The following COL4A4 variants were observed in gnomAD, a reference collection of about 807,000 sequenced individuals.
COL4A4 encodes the protein collagen type IV alpha 4 chain.
In COL4A4, 105 loss-of-function variants were observed where a neutral mutation model predicts 192.9. The ratio of observed to expected loss-of-function variants is 0.54; its 90% confidence interval spans 0.46 to 0.64. The LOEUF (loss-of-function observed/expected upper bound fraction) is 0.64. Ranked by LOEUF, COL4A4 falls within the 30% of genes least tolerant of loss-of-function variation. The pLI, the probability that COL4A4 is intolerant of heterozygous loss-of-function variation, is 0.00. For missense variants in COL4A4, 1,967 were observed against 2,169.3 expected, an observed-to-expected ratio of 0.91 and a Z score of 1.85; for synonymous variants, 762 against 769.9, an observed-to-expected ratio of 0.99 and a Z score of 0.17.
In COL4A4 at chr2:227,084,941, G is replaced by A. The variant is rs551082176; in HGVS notation, c.1624-2754C>T. 3.3e-5 allele frequency among the ~76,000 whole-genome samples: 5 copies of A among 152,142 alleles called. No individual in the cohort carries two copies. In the South Asian group the frequency reaches 6.2e-4, roughly 19 times the overall value. ...GAGGTCAGGAGTTCAAGACCAGCCT[G>A]ACCAAAAAGGTGAAACCCTGTCTCT... On this transcript the variant is annotated intron_variant, in intron 22 of 47. Coordinates refer to ENST00000396625, the MANE Select transcript of COL4A4 (RefSeq NM_000092.5).
chr2:227,062,466 C>A, intron 26 of COL4A4, 64 bp downstream of exon 26: 1 of 1,017,356 alleles, frequency 9.8e-7, no homozygotes, highest in South Asian at 1.3e-5. Context: ...GTTTATCTGT[C>A]TGGCTGGTTT....
At chr2:226,983,678 G>T in the COL4A4 span, among the ~76,000 whole-genome samples, 4 of 151,150 alleles carry the variant, frequency 2.6e-5, no homozygotes, top group Non-Finnish European at 5.9e-5. Context: ...TTTTTTTCAC[G>T]TGCAAAGGTT....
intron 36 of COL4A4, 64 bp downstream of exon 36, chr2:227,043,013 G>T: frequency 8.4e-7 from 1 of 1,184,912 alleles, no homozygotes; most frequent in Non-Finnish European, 1.3e-6. Context: ...AAAGACTGGT[G>T]GTTTCTGAAA....
intron 3 of COL4A4, among the ~76,000 whole-genome samples, chr2:227,141,918 T>C (rs1313513262): frequency 3.3e-5 from 5 of 152,092 alleles, no homozygotes; most frequent in Non-Finnish European, 7.4e-5. Context: ...TTACTATGTG[T>C]TCGCTGAAAT....
intron 44 of COL4A4, among the ~76,000 whole-genome samples, chr2:227,012,899 T>C (rs559231292): frequency 6.6e-6 from 1 of 152,302 alleles, no homozygotes; most frequent in South Asian, 2.1e-4. Context: ...TAGGTACTCA[T>C]ACATGCCAGT....
the COL4A4 span, chr2:226,996,554 CAG>C: frequency 6.6e-6 from 1 of 152,172 alleles, no homozygotes; most frequent in African/African-American, 2.4e-5. Context: ...TTACTGTCAA[CAG>C]AGATATTTTA....
chr2:227,121,755 A>AGTAT (rs2061809455), intron 4 of COL4A4, among the ~76,000 whole-genome samples: 1 of 152,146 alleles, frequency 6.6e-6, no homozygotes. Flanking sequence ...GTATGTGTGC[A>AGTAT]GTATGTATGT....
chr2:227,085,238 G>A (rs1359612200), intron 22 of COL4A4, among the ~76,000 whole-genome samples: 1 of 152,164 alleles, frequency 6.6e-6, no homozygotes, highest in East Asian at 1.9e-4. Flanking sequence ...TGCCTACAGG[G>A]GTGGCGCCTG....
chr2:227,137,635 T>C (rs1004907414), intron 4 of COL4A4, among the ~76,000 whole-genome samples: 1 of 152,180 alleles, frequency 6.6e-6, no homozygotes. Flanking sequence ...GCACTTCTGG[T>C]CTCTACTTGC....
chr2:226,996,677 A>G, the COL4A4 span: 1 of 152,264 alleles, frequency 6.6e-6, no homozygotes, highest in African/African-American at 2.4e-5. Context: ...ACATCTGGAA[A>G]GAAATATACC....
intron 19 of COL4A4, among the ~76,000 whole-genome samples, chr2:227,097,780 A>G (rs1252156964): frequency 6.6e-6 from 1 of 152,220 alleles, no homozygotes; most frequent in Non-Finnish European, 1.5e-5. Flanking sequence ...CTGCAAACTG[A>G]AAGCTAGATT....
intron 22 of COL4A4, among the ~76,000 whole-genome samples, chr2:227,084,108 T>C (rs1159595656): frequency 6.6e-6 from 1 of 152,214 alleles, no homozygotes; most frequent in Non-Finnish European, 1.5e-5. Flanking sequence ...TAAATCAATA[T>C]ATTAGAAAGA....
At chr2:227,120,718 A>C (rs2061728183) in intron 5 of COL4A4, 2 of 322,254 alleles carry the variant, frequency 6.2e-6, no homozygotes, top group South Asian at 6.4e-5. Context: ...CAGGCAGATC[A>C]CTTGAGGTCA....
intron 5 of COL4A4, among the ~76,000 whole-genome samples, chr2:227,120,411 C>T (rs2061711468): frequency 6.6e-6 from 1 of 152,096 alleles, no homozygotes; most frequent in South Asian, 2.1e-4. Context: ...GTCTCTAAGA[C>T]ATATTGTTGA....
downstream of COL4A4, chr2:226,998,891 A>T (rs941589381): frequency 6.6e-6 from 1 of 152,210 alleles, no homozygotes; most frequent in Non-Finnish European, 1.5e-5. Flanking sequence ...CTCACTGCTC[A>T]GGCTGTGAGT....
At chr2:227,075,119 T>C (rs560861476) in intron 25 of COL4A4, among the ~76,000 whole-genome samples, 1 of 152,038 alleles carries the variant, frequency 6.6e-6, no homozygotes, top group African/African-American at 2.4e-5. Context: ...TTCCAAACAA[T>C]AGAAAAATAA....
chr2:227,049,265 A>T (rs924150001), intron 34 of COL4A4, among the ~76,000 whole-genome samples: 13 of 152,246 alleles, frequency 8.5e-5, no homozygotes, highest in Admixed American at 8.5e-4. Flanking sequence ...AGGGTTAATG[A>T]AGCCTCTCTT....
At chr2:227,036,301 G>A (rs1204418945) in intron 37 of COL4A4, among the ~76,000 whole-genome samples, 1 of 152,086 alleles carries the variant, frequency 6.6e-6, no homozygotes, top group Non-Finnish European at 1.5e-5. Flanking sequence ...CCACTCTCAG[G>A]CTGTATTTTG....
intron 37 of COL4A4, among the ~76,000 whole-genome samples, chr2:227,034,264 A>G (rs1359915696): frequency 1.3e-5 from 2 of 152,176 alleles, no homozygotes; most frequent in Non-Finnish European, 2.9e-5. Context: ...AAGGTTTTTT[A>G]TCAACGTATG....
Sources: allele counts gnomAD v4.1 joint callset (sites outside exome capture counted in the v4.1 genomes callset), GRCh38; gene constraint gnomAD v4.1.1; transcripts MANE v1.5; gene names NCBI Gene and HGNC (gene_info 2026-07-23, HGNC 2026-07-21).